The following RSRC1 variants were observed in gnomAD, a reference collection of about 807,000 sequenced individuals.
The protein encoded by RSRC1 is serine/Arginine-related protein 53.
A neutral mutation model predicts 49.1 loss-of-function variants in RSRC1; 39 were observed. The observed-to-expected ratio is 0.79, with a 90% CI of 0.61 to 1.04. The LOEUF (loss-of-function observed/expected upper bound fraction) is 1.04, where lower values mean the gene tolerates loss of function less well. RSRC1 is among the 50% of genes least tolerant of loss of function. RSRC1 has a pLI of 0.00. For synonymous variants in RSRC1, 143 were observed against 130.8 expected, an observed-to-expected ratio of 1.09 and a Z score of -0.63; for missense variants, 388 against 402.4, an observed-to-expected ratio of 0.96 and a Z score of 0.31.
chr3:158,255,741 G>GT (rs1178170821), intron 4 of RSRC1, among the ~76,000 whole-genome samples: 1 of 152,176 alleles, frequency 6.6e-6, no homozygotes, highest in Non-Finnish European at 1.5e-5. Context: ...TTGAGCAGTG[G>GT]TTTATAGTTC....
At chr3:158,496,357 G>A (rs1049788309) in intron 7 of RSRC1, among the ~76,000 whole-genome samples, 1 of 146,254 alleles carries the variant, frequency 6.8e-6, no homozygotes, top group South Asian at 2.1e-4. Flanking sequence ...TCTGATTCAG[G>A]GGGTCTGAGA....
intron 1 of RSRC1, among the ~76,000 whole-genome samples, chr3:158,118,462 T>TGTGTGTGTGCGCGCGCGCGC (rs1491469875): frequency 8.0e-6 from 1 of 124,682 alleles, no homozygotes; most frequent in Non-Finnish European, 1.6e-5. Flanking sequence ...TGTGTGTGTG[T>TGTGTGTGTGCGCGCGCGCGC]GCGCGTGCGC....
In RSRC1 at chr3:158,522,026, C is replaced by T. The variant is rs374428708; in HGVS notation, c.653-15066C>T. Among the ~76,000 whole-genome samples the T allele has an allele frequency of 1.8e-4, 28 of 151,906 alleles. No homozygotes were observed. The East Asian group carries it at 4.3e-3, about 23-fold the overall frequency. On this transcript the variant is annotated intron_variant, in intron 7 of 9. Transcript: ENST00000611884. Reference sequence around the variant, plus strand: ...TCTCTGTTTTTATAAAGGGTAGGATCGTTATTGATTGAGATTTCCAGCTGA... The same window carrying T: ...TCTCTGTTTTTATAAAGGGTAGGATTGTTATTGATTGAGATTTCCAGCTGA...
At chr3:158,495,505 C>G (rs983545911) in intron 7 of RSRC1, among the ~76,000 whole-genome samples, 1 of 152,054 alleles carries the variant, frequency 6.6e-6, no homozygotes, top group African/African-American at 2.4e-5. Context: ...AGGCTGGTCT[C>G]GAACTCCTGA....
intron 6 of RSRC1, among the ~76,000 whole-genome samples, chr3:158,447,023 G>A (rs555525815): frequency 6.6e-6 from 1 of 151,906 alleles, no homozygotes; most frequent in Admixed American, 6.6e-5. Context: ...AACTAGTAGG[G>A]GTATCCCAAC....
chr3:158,542,978 A>C (rs900188109), intron 8 of RSRC1, among the ~76,000 whole-genome samples: 16 of 152,166 alleles, frequency 1.1e-4, no homozygotes, highest in African/African-American at 3.6e-4. Context: ...TCAATAGTAT[A>C]GGCACGTAAG....
intron 5 of RSRC1, among the ~76,000 whole-genome samples, chr3:158,346,291 G>A (rs1281930110): frequency 6.6e-6 from 1 of 152,102 alleles, no homozygotes; most frequent in Non-Finnish European, 1.5e-5. Flanking sequence ...CAGCCTGGAT[G>A]ACAGAGCAAG....
chr3:158,228,168 T>C (rs1722627867), intron 4 of RSRC1, among the ~76,000 whole-genome samples: 1 of 152,084 alleles, frequency 6.6e-6, no homozygotes, highest in South Asian at 2.1e-4. Flanking sequence ...AAATTTACTT[T>C]GTCATATCTG....
intron 6 of RSRC1, among the ~76,000 whole-genome samples, chr3:158,365,849 A>G (rs915746038): frequency 1.3e-4 from 20 of 152,138 alleles, no homozygotes; most frequent in Non-Finnish European, 2.9e-4. Context: ...TCTAACTGGC[A>G]TGAGATGATA....
At chr3:158,253,806 T>C (rs910503726) in intron 4 of RSRC1, among the ~76,000 whole-genome samples, 8 of 152,156 alleles carry the variant, frequency 5.3e-5, no homozygotes, top group Non-Finnish European at 1.2e-4. Context: ...AGGGTACTTG[T>C]GCAGAATATG....
rs1483055579 is a variant in RSRC1, at chr3:158,240,256, A to G, written c.494+37011A>G. On this transcript the variant is annotated intron_variant, in intron 4 of 9. Coordinates refer to ENST00000611884, the MANE Select transcript of RSRC1 (RefSeq NM_001271838.2). ...TTCTGCTAATATTTTATCATTGAAT[A>G]TAATTTTGTTCTTGGTTTTTGGTAG... 2.0e-5 allele frequency among the ~76,000 whole-genome samples: 3 copies of G among 152,136 alleles called. 1 individual carries two copies. Among genetic ancestry groups the G allele is most frequent in the African/African-American group, 7.2e-5 (3 of 41,448 alleles).
intron 5 of RSRC1, among the ~76,000 whole-genome samples, chr3:158,329,937 G>T (rs758009808): frequency 2.0e-5 from 3 of 152,180 alleles, no homozygotes; most frequent in Non-Finnish European, 4.4e-5. Flanking sequence ...GCAGCGGTGG[G>T]CACCCCTCCA....
chr3:158,298,096 G>T (rs1407508276), intron 5 of RSRC1, 21 bp downstream of exon 5: 2 of 1,569,972 alleles, frequency 1.3e-6, no homozygotes, highest in South Asian at 2.2e-5. Context: ...ATTTTCTCTT[G>T]AACATTTGCA....
At chr3:158,459,322 G>C (rs541285037) in intron 6 of RSRC1, among the ~76,000 whole-genome samples, 1 of 152,224 alleles carries the variant, frequency 6.6e-6, no homozygotes, top group African/African-American at 2.4e-5. Context: ...ATTTAGGCAG[G>C]CTAGTTTATT....
intron 5 of RSRC1, among the ~76,000 whole-genome samples, chr3:158,305,900 A>T (rs1727813112): frequency 1.3e-5 from 2 of 152,180 alleles, no homozygotes; most frequent in East Asian, 3.9e-4. Flanking sequence ...TTGTTAAAAT[A>T]GTGTGTGAAA....
intron 7 of RSRC1, among the ~76,000 whole-genome samples, chr3:158,487,946 C>CAAAAAAAAAAAAA (rs1303656428): frequency 0.027 from 307 of 11,462 alleles, 29 homozygotes; most frequent in Middle Eastern, 0.083. Context: ...GACTCCATCT[C>CAAAAAAAAAAAAA]AAGAAAAAAA....
chr3:158,513,961 G>T (rs1740349220), intron 7 of RSRC1, among the ~76,000 whole-genome samples: 1 of 152,076 alleles, frequency 6.6e-6, no homozygotes, highest in Admixed American at 6.6e-5. Context: ...GATCGGTGGT[G>T]ATATCCCCTT....
intron 4 of RSRC1, among the ~76,000 whole-genome samples, chr3:158,291,495 T>A (rs2108104320): frequency 6.6e-6 from 1 of 152,328 alleles, no homozygotes; most frequent in East Asian, 1.9e-4. Flanking sequence ...CTCTTTTGTT[T>A]CTTAAATTTG....
At chr3:158,182,881 T>C (rs149994394) in intron 3 of RSRC1, among the ~76,000 whole-genome samples, 293 of 152,284 alleles carry the variant, frequency 1.9e-3, no homozygotes, top group African/African-American at 6.0e-3. Context: ...TTTATGAATA[T>C]AATTATGATA....
Sources: allele counts gnomAD v4.1 joint callset (sites outside exome capture counted in the v4.1 genomes callset), GRCh38; gene constraint gnomAD v4.1.1; transcripts MANE v1.5; gene names NCBI Gene and HGNC (gene_info 2026-07-23, HGNC 2026-07-21).